The following CDH8 variants were observed in gnomAD, a reference collection of about 807,000 sequenced individuals.
The protein encoded by CDH8 is cadherin-8.
In CDH8, 17 loss-of-function variants were observed where a neutral mutation model predicts 68.1. The ratio of observed to expected loss-of-function variants is 0.25; its 90% CI spans 0.17 to 0.37. The LOEUF (loss-of-function observed/expected upper bound fraction) is 0.37. CDH8 is among the 10% of genes least tolerant of loss of function. The pLI, the probability that CDH8 is intolerant of heterozygous loss-of-function variation, is 1.00. For missense variants in CDH8, 763 were observed against 999.3 expected, an observed-to-expected ratio of 0.76 and a Z score of 3.19; for synonymous variants, 372 against 365.1, an observed-to-expected ratio of 1.02 and a Z score of -0.21.
intron 7 of CDH8, among the ~76,000 whole-genome samples, chr16:61,809,081 G>A (rs1403132880): frequency 6.6e-6 from 1 of 151,912 alleles, no homozygotes; most frequent in Non-Finnish European, 1.5e-5. Context: ...AGTTACTCGG[G>A]AAGCTGAGGC....
chr16:61,687,238 A>G (rs1394132326), intron 10 of CDH8, among the ~76,000 whole-genome samples: 1 of 151,930 alleles, frequency 6.6e-6, no homozygotes, highest in Non-Finnish European at 1.5e-5. Context: ...TTCAGTCCTG[A>G]TCCCACTTCT....
At chr16:61,731,174 A>G (rs79801696) in intron 8 of CDH8, among the ~76,000 whole-genome samples, 2,411 of 151,754 alleles carry the variant, frequency 0.016, 69 homozygotes, top group African/African-American at 0.055. Flanking sequence ...CTTCAAGCCT[A>G]AGTGTAAACT....
At chr16:61,846,061 A>C (rs1211267332) in intron 4 of CDH8, among the ~76,000 whole-genome samples, 2 of 152,108 alleles carry the variant, frequency 1.3e-5, no homozygotes, top group African/African-American at 2.4e-5. Context: ...GGAACGAAGG[A>C]CTGATTCTCT....
At chr16:61,815,242 G>T (rs1488881874) in intron 7 of CDH8, among the ~76,000 whole-genome samples, 1 of 152,146 alleles carries the variant, frequency 6.6e-6, no homozygotes, top group Non-Finnish European at 1.5e-5. Context: ...TTTCTAAACA[G>T]CCTCAAGCTT....
chr16:61,647,802 C>T lies in CDH8; in HGVS notation c.*5806G>A, dbSNP rs552452716. The T allele has an allele frequency of 1.4e-5, 10 of 699,678 alleles. No homozygotes were observed. The highest frequency in any genetic ancestry group is 5.4e-5 in the East Asian group (2 of 37,212). The allele number at this position is 699,678 out of a possible 1,614,324, so 43.3% of individuals were successfully genotyped here. A position where few individuals can be genotyped will look rare whatever the true frequency, so the allele number is the denominator to read the frequency against. ...TCATTTCCTTTTCTGGTCCTGACCT[C>T]TGAGTTCATTGAAGCCATGGTTTTC... is the stretch of plus-strand genomic sequence containing the variant. On this transcript the variant is annotated 3_prime_UTR_variant, in exon 12 of 12. Coordinates refer to ENST00000577390, the MANE Select transcript of CDH8 (RefSeq NM_001796.5).
At chr16:61,747,421 A>G (rs1960050847) in intron 8 of CDH8, among the ~76,000 whole-genome samples, 1 of 152,014 alleles carries the variant, frequency 6.6e-6, no homozygotes, top group Non-Finnish European at 1.5e-5. Context: ...TAAAATACTC[A>G]TCATGTTCAC....
intron 2 of CDH8, among the ~76,000 whole-genome samples, chr16:61,960,015 T>TATATATATATATATATAC (rs1198530274): frequency 1.1e-4 from 8 of 73,226 alleles, no homozygotes; most frequent in East Asian, 5.0e-4. Context: ...TATATATATA[T>TATATATATATATATATAC]ACACACATAC....
At chr16:61,988,239 CA>C (rs5817329) in intron 2 of CDH8, among the ~76,000 whole-genome samples, 69,546 of 151,952 alleles carry the variant, frequency 0.46, 18,931 homozygotes, top group East Asian at 0.66. Flanking sequence ...AAGCCTAATG[CA>C]GTGCCCAAGC....
intron 8 of CDH8, among the ~76,000 whole-genome samples, chr16:61,753,743 C>T (rs947572395): frequency 6.6e-6 from 1 of 151,944 alleles, no homozygotes; most frequent in African/African-American, 2.4e-5. Context: ...ACTTTATAAT[C>T]CAAATCCAGT....
At chr16:61,678,208 A>G (rs1963949636) in intron 10 of CDH8, among the ~76,000 whole-genome samples, 1 of 152,050 alleles carries the variant, frequency 6.6e-6, no homozygotes, top group African/African-American at 2.4e-5. Context: ...CATGTGTTTG[A>G]TTGAAGTCTC....
chr16:61,824,220 A>AAAT (rs528032579), intron 5 of CDH8, among the ~76,000 whole-genome samples: 32 of 151,694 alleles, frequency 2.1e-4, no homozygotes, highest in African/African-American at 4.6e-4. Context: ...GGCATCTTAA[A>AAAT]AATAATAATA....
At position 61,879,781 on chromosome 16, in the gene CDH8, C is replaced by A. The variant is rs1427193307; in HGVS notation, c.547+21398G>T. ...CAGTCCTGTGATAGGCCCCGAAAAACAACAAGGAACAATATAAGCACAAGT... is the reference window on the plus strand; with the variant it reads ...CAGTCCTGTGATAGGCCCCGAAAAAAAACAAGGAACAATATAAGCACAAGT... On this transcript the variant is annotated intron_variant, in intron 3 of 11. Coordinates refer to ENST00000577390, the MANE Select transcript of CDH8 (RefSeq NM_001796.5). 4.6e-5 allele frequency among the ~76,000 whole-genome samples: 7 copies of A among 152,206 alleles called. No individual in the cohort carries two copies. The East Asian group carries it at 1.4e-3, about 29-fold the overall frequency.
chr16:61,822,205 C>CCTTTTTT (rs1962230457), intron 5 of CDH8, among the ~76,000 whole-genome samples: 2 of 45,630 alleles, frequency 4.4e-5, no homozygotes, highest in African/African-American at 2.2e-4. Flanking sequence ...AAAAACGCAC[C>CCTTTTTT]TTTTTTTTTT....
At chr16:61,900,363 T>A (rs7199005) in intron 3 of CDH8, among the ~76,000 whole-genome samples, 35,703 of 152,028 alleles carry the variant, frequency 0.23, 5,147 homozygotes, top group African/African-American at 0.41. Context: ...TACTACACAT[T>A]TTAAAAAATG....
chr16:61,775,128 C>T (rs1960871639), intron 8 of CDH8, among the ~76,000 whole-genome samples: 1 of 152,002 alleles, frequency 6.6e-6, no homozygotes, highest in African/African-American at 2.4e-5. Context: ...TTTTGGGAGG[C>T]CGAAGCAGGT....
chr16:61,953,808 G>A (rs1202629195), intron 2 of CDH8, among the ~76,000 whole-genome samples: 1 of 150,100 alleles, frequency 6.7e-6, no homozygotes, highest in Non-Finnish European at 1.5e-5. Flanking sequence ...GGTCGAGGCT[G>A]CAGTGAACTG....
intron 2 of CDH8, among the ~76,000 whole-genome samples, chr16:61,966,549 A>G (rs1264665713): frequency 1.3e-5 from 2 of 152,136 alleles, no homozygotes; most frequent in South Asian, 2.1e-4. Context: ...AATAAAAAAA[A>G]AAGAAGAAGA....
chr16:61,870,120 T>C (rs1462215126), intron 3 of CDH8, among the ~76,000 whole-genome samples: 1 of 152,212 alleles, frequency 6.6e-6, no homozygotes, highest in South Asian at 2.1e-4. Context: ...GCCTTAAAAA[T>C]CGATGTATCT....
chr16:61,935,946 G>A (rs1435258204), intron 2 of CDH8, among the ~76,000 whole-genome samples: 3 of 152,090 alleles, frequency 2.0e-5, no homozygotes, highest in African/African-American at 7.2e-5. Flanking sequence ...AGTAGGCATT[G>A]TGAAGGTTTA....
Sources: gnomAD v4.1 joint callset for allele counts (sites outside exome capture counted in the v4.1 genomes callset) on GRCh38, gnomAD v4.1.1 for gene constraint, MANE v1.5 for transcripts, NCBI Gene and HGNC (gene_info 2026-07-23, HGNC 2026-07-21) for gene names.